TUBGCP2: variants seen among roughly 807,000 people sequenced by gnomAD.
TUBGCP2 encodes the protein gamma-tubulin complex component 2.
In TUBGCP2, 55 loss-of-function variants were observed where a neutral mutation model predicts 92.2. The ratio of observed to expected loss-of-function variants is 0.60; its 90% CI spans 0.48 to 0.75. The LOEUF (loss-of-function observed/expected upper bound fraction) is 0.75. Ranked by LOEUF, TUBGCP2 falls within the 30% of genes least tolerant of loss-of-function variation. The pLI is 0.00. For missense variants in TUBGCP2, 1,093 were observed against 1,188.9 expected, an observed-to-expected ratio of 0.92 and a Z score of 1.19; for synonymous variants, 533 against 505.2, an observed-to-expected ratio of 1.06 and a Z score of -0.74.
intron 13 of TUBGCP2, 35 bp from the exon 14 acceptor site, chr10:133,284,037 G>A (rs1402054150): frequency 6.2e-7 from 1 of 1,607,474 alleles, no homozygotes; most frequent in Admixed American, 1.7e-5. Context: ...CAGCCATGGA[G>A]GACGCGGCCC....
At chr10:133,286,566 C>T (rs1426204504) in intron 11 of TUBGCP2, among the ~76,000 whole-genome samples, 3 of 152,050 alleles carry the variant, frequency 2.0e-5, no homozygotes, top group Non-Finnish European at 2.9e-5. Context: ...GCACCGAGGG[C>T]GCGTCCTCCT....
At chr10:133,288,783 C>T in intron 10 of TUBGCP2, 57 bp downstream of exon 10, 1 of 1,511,274 alleles carries the variant, frequency 6.6e-7, no homozygotes, top group Non-Finnish European at 8.9e-7. Context: ...CCACGTCCCA[C>T]AGGTTCCGGT....
At chr10:133,297,422 T>C (rs1261025650) in intron 5 of TUBGCP2, 2 of 451,642 alleles carry the variant, frequency 4.4e-6, no homozygotes, top group African/African-American at 2.0e-5. Flanking sequence ...TAAATAAAAA[T>C]AAAAATGTAC....
At chr10:133,299,814 T>C (rs1297311384) in intron 3 of TUBGCP2, among the ~76,000 whole-genome samples, 171 bp downstream of exon 3, 2 of 152,196 alleles carry the variant, frequency 1.3e-5, no homozygotes, top group Non-Finnish European at 2.9e-5. Context: ...ACACCCAACA[T>C]GGGTTATCTT....
intron 4 of TUBGCP2, 49 bp downstream of exon 4, chr10:133,299,378 A>G: frequency 6.6e-7 from 1 of 1,504,610 alleles, no homozygotes; most frequent in East Asian, 2.3e-5. Flanking sequence ...CGCCACGGAC[A>G]CAGGACCTGC....
chr10:133,296,334 G>A (rs751890365), intron 5 of TUBGCP2, among the ~76,000 whole-genome samples: 20 of 152,144 alleles, frequency 1.3e-4, no homozygotes, highest in Non-Finnish European at 1.9e-4. Flanking sequence ...AGTCTGCCTG[G>A]GTACCATCAG....
chr10:133,302,295 G>GCCCTGCACCAGGGGCAGTGCTCA (rs1444287129), intron 2 of TUBGCP2: 1 of 207,474 alleles, frequency 4.8e-6, no homozygotes, highest in Non-Finnish European at 9.9e-6. Context: ...ACGGTACACA[G>GCCCTGCACCAGGGGCAGTGCTCA]CCCTGCACCA....
chr10:133,287,064 A>T (rs1307626345), intron 11 of TUBGCP2, among the ~76,000 whole-genome samples: 1 of 152,264 alleles, frequency 6.6e-6, no homozygotes, highest in African/African-American at 2.4e-5. Flanking sequence ...TTCTAGCTAC[A>T]TCAGCTAAGA....
At position 133,307,964 on chromosome 10, in the gene TUBGCP2, G is replaced by A. The variant is rs1408200805; in HGVS notation, c.-40+859C>T. ...GTATCTAAACATGGAAAAAGTACAG[G>A]GGCAGGCATGGTGGCTCACGCCTGC... On this transcript the variant is annotated intron_variant, in intron 1 of 17. Transcript: ENST00000252936. Among the ~76,000 whole-genome samples the A allele has an allele frequency of 3.9e-5, 6 of 152,090 alleles. No individual in the cohort carries two copies. In the South Asian group the frequency reaches 6.2e-4, roughly 16 times the overall value.
intron 1 of TUBGCP2, among the ~76,000 whole-genome samples, chr10:133,305,600 T>C (rs566361145): frequency 6.6e-6 from 1 of 152,102 alleles, no homozygotes; most frequent in South Asian, 2.1e-4. Context: ...GTCCCTACAA[T>C]AGAGTACAGA....
rs1021857109 is a variant in TUBGCP2 at position 133,282,134 on chromosome 10, G to A, written c.2409+89C>T. ...GAGGGGAGATGGAAGTAAAAGGGGG[G>A]AGGTTTGTTCTCCCTGCGTCAGGAT... On this transcript the variant is annotated intron_variant, in intron 16 of 17. Coordinates refer to ENST00000252936, the MANE Select transcript of TUBGCP2 (RefSeq NM_006659.4). 5 of 1,581,214 alleles carry A rather than the reference G, an allele frequency of 3.2e-6. No individual in the cohort carries two copies. In the African/African-American group the frequency reaches 4.1e-5, roughly 13 times the overall value.
At chr10:133,303,625 C>A (rs1589837165) in intron 1 of TUBGCP2, among the ~76,000 whole-genome samples, 1 of 152,346 alleles carries the variant, frequency 6.6e-6, no homozygotes, top group East Asian at 1.9e-4. Context: ...CCAGCTTCTA[C>A]CGGAGAGGCC....
chr10:133,312,200 C>T (rs538563661), upstream of TUBGCP2: 6 of 1,406,514 alleles, frequency 4.3e-6, no homozygotes, highest in South Asian at 3.1e-5. Flanking sequence ...TCACCTGTGC[C>T]GTCTGCGTTT....
Position 133,283,067 on chromosome 10 carries a change from C to T in TUBGCP2, c.2289+11G>A, listed in dbSNP as rs1407995359. ...CCTGCCCACCCGATGGTGCTACCCA[C>T]ACCCACGCACCTGCATGCAGTTGGT... On this transcript the variant is annotated intron_variant, in intron 15 of 17. Coordinates refer to ENST00000252936, the MANE Select transcript of TUBGCP2 (RefSeq NM_006659.4). The T allele has an allele frequency of 6.2e-7, 1 of 1,614,114 alleles. No homozygotes were observed.
intron 2 of TUBGCP2, chr10:133,301,700 C>CTTTTTTTTTTTTTTTTTT (rs71016439): frequency 1.1e-5 from 1 of 87,254 alleles, no homozygotes; most frequent in African/African-American, 5.0e-5. Flanking sequence ...CAGTCCCTCC[C>CTTTTTTTTTTTTTTTTTT]TTTTTTTTTT....
In TUBGCP2 at chr10:133,285,548, C is replaced by A; in HGVS notation, c.1803G>T (p.Ala601=). 6.3e-7 allele frequency: 1 copy of A among 1,585,160 alleles called. No individual in the cohort carries two copies. The highest frequency in any genetic ancestry group is 8.6e-7 in the Non-Finnish European group (1 of 1,162,806). The part of the protein sequence containing the change: ...AIETKQEKAM[A]HADPTELALS... Reference sequence around the variant, plus strand: ...GCGCCAGCTCCGTGGGGTCGGCGTGCGCCATCGCCTTCTCCTGCTTGGTCT... The same window carrying A: ...GCGCCAGCTCCGTGGGGTCGGCGTGAGCCATCGCCTTCTCCTGCTTGGTCT... The change falls in exon 12 of 18, where the codon GCG becomes GCT. Residue 601 remains alanine, a synonymous_variant. Coordinates refer to ENST00000252936, the MANE Select transcript of TUBGCP2 (RefSeq NM_006659.4). The surrounding 1 kb of genome is among the most constrained non-coding windows in gnomAD (Gnocchi z 6.8).
intron 5 of TUBGCP2, chr10:133,297,272 C>A (rs1026954236): frequency 3.0e-6 from 1 of 332,690 alleles, no homozygotes; most frequent in Middle Eastern, 1.1e-3. Context: ...CGTGGTGGCG[C>A]CTGCAGTCCC....
intron 14 of TUBGCP2, 51 bp downstream of exon 14, chr10:133,283,831 G>A (rs1196183335): frequency 6.2e-7 from 1 of 1,602,560 alleles, no homozygotes; most frequent in Non-Finnish European, 8.5e-7. Flanking sequence ...CTGTCTCCCT[G>A]TGAAAGGAAA....
At position 133,279,872 on chromosome 10, in the gene TUBGCP2, C is replaced by A; in HGVS notation, c.2603G>T (p.Arg868Leu). 6.2e-7 allele frequency: 1 copy of A among 1,608,836 alleles called. No individual in the cohort carries two copies. The highest frequency in any genetic ancestry group is 8.5e-7 in the Non-Finnish European group (1 of 1,178,206). Reference protein sequence around the residue: ...RLDFNGFYTERLERLSAERSQ... With the variant: ...RLDFNGFYTELLERLSAERSQ... ...CCTCTCTGCAGACAGGCGCTCCAGGCGCTCCGTGTAGAAACCATTGAAGTC... is the reference window on the plus strand; with the variant it reads ...CCTCTCTGCAGACAGGCGCTCCAGGAGCTCCGTGTAGAAACCATTGAAGTC... The change falls in exon 18 of 18, where the codon CGC becomes CTC. Residue 868 changes from arginine (R) to leucine (L), a missense_variant. Arg to Leu is a moderately radical substitution (Grantham distance 102). Around this residue, in one of 3 missense-constraint regions of TUBGCP2, gnomAD observed 598 missense variants for 675.5 expected, o/e 0.89. Transcript: ENST00000252936.
Sources: gnomAD v4.1 joint callset for allele counts (sites outside exome capture counted in the v4.1 genomes callset) on GRCh38, gnomAD v4.1.1 for gene constraint, gnomAD v4.1.1 regional missense constraint, Gnocchi (gnomAD v3.1) non-coding constraint, MANE v1.5 for transcripts, NCBI Gene and HGNC (gene_info 2026-07-23, HGNC 2026-07-21) for gene names.